Variants in CEMIP observed in about 807,000 individuals in gnomAD.
CEMIP encodes the protein cell migration inducing hyaluronidase 1.
In CEMIP, 105 loss-of-function variants were observed where a neutral mutation model predicts 156.9. That is an observed-to-expected ratio of 0.67 (90% CI 0.57 to 0.79). The LOEUF is 0.79. Among genes scored for constraint, CEMIP ranks in the 30% least tolerant of loss-of-function variants. CEMIP has a pLI of 0.00. For missense variants in CEMIP, 1,457 were observed against 1,769.4 expected, an observed-to-expected ratio of 0.82 and a Z score of 3.17; for synonymous variants, 676 against 668.4, an observed-to-expected ratio of 1.01 and a Z score of -0.17.
At chr15:80,813,344 G>A (rs1428682300) in intron 1 of CEMIP, among the ~76,000 whole-genome samples, 1 of 145,930 alleles carries the variant, frequency 6.9e-6, no homozygotes, top group East Asian at 2.1e-4. Flanking sequence ...AGGAGCAGCA[G>A]TACGGATTTT....
At position 80,936,747 on chromosome 15, in the gene CEMIP, T is replaced by C. The variant is rs1216305022; in HGVS notation, c.3083T>C (p.Leu1028Pro). 1.2e-6 allele frequency: 2 copies of C among 1,614,040 alleles called. No individual in the cohort carries two copies. Among genetic ancestry groups the C allele is most frequent in the African/African-American group, 2.7e-5 (2 of 74,944 alleles). Residue 1028 changes from leucine to proline, a missense_variant, in exon 24 of 30, where the codon CTT becomes CCT. Leu to Pro is a moderately conservative substitution (Grantham distance 98, BLOSUM62 -3). Around this residue, in one of 5 missense-constraint regions of CEMIP, gnomAD observed 798 missense variants for 980.1 expected, o/e 0.81. Coordinates refer to ENST00000394685, the MANE Select transcript of CEMIP (RefSeq NM_001293298.2). ...AAGAATGACTTCCCCAGCCACCCTC[T>C]TTACCTGGAGGGGGCGCTCACCAGG... ...IIKNDFPSHP[L>P]YLEGALTRST...
chr15:80,919,642 T>C (rs1310487354), intron 14 of CEMIP, among the ~76,000 whole-genome samples: 1 of 152,090 alleles, frequency 6.6e-6, no homozygotes, highest in Non-Finnish European at 1.5e-5. Flanking sequence ...TGAAACCCAG[T>C]CTCTACTGAA....
At chr15:80,850,352 A>G (rs530609507) in intron 1 of CEMIP, among the ~76,000 whole-genome samples, 11 of 152,282 alleles carry the variant, frequency 7.2e-5, no homozygotes, top group South Asian at 4.1e-4. Flanking sequence ...TCTCAGTTCA[A>G]TGCAACCTTC....
intron 1 of CEMIP, among the ~76,000 whole-genome samples, chr15:80,870,819 G>A (rs1208037701): frequency 1.3e-5 from 2 of 152,156 alleles, no homozygotes; most frequent in African/African-American, 4.8e-5. Flanking sequence ...TTTCGGAAAA[G>A]GGTGCCTACA....
In CEMIP at chr15:80,884,598, CTCAT is replaced by C. The variant is rs571580024; in HGVS notation, c.797+252_797+255del. On this transcript the variant is annotated intron_variant, in intron 7 of 29. Transcript: ENST00000394685. The stretch of plus-strand genomic sequence containing the variant: ...AACAAAAGCTCGCTGTTTATATGAA[CTCAT>C]TCATTCAGTCGGCCACTTACAAAAT... Among the ~76,000 whole-genome samples the C allele has an allele frequency of 7.2e-5, 11 of 152,344 alleles. No individual in the cohort carries two copies. In the South Asian group the frequency reaches 2.3e-3, roughly 32 times the overall value.
intron 12 of CEMIP, chr15:80,897,157 G>T: frequency 5.1e-6 from 2 of 394,448 alleles, no homozygotes; most frequent in South Asian, 1.9e-5. Context: ...GGTGTTAAAC[G>T]TATCACATGC....
rs111716189 is a variant in CEMIP, at chr15:80,884,230, G to T, written c.673G>T (p.Ala225Ser). ...TGAACGTCTGGTCCAGTATTTGAAC[G>T]CGGTGCCCGATGGCAGGATCCTTTC... ...ESERLVQYLN[A>S]VPDGRILSVA... Residue 225 changes from alanine (A) to serine (S), a missense_variant, in exon 7 of 30, where the codon GCG becomes TCG. This residue lies in a region of CEMIP where 309 missense variants were observed against 340.8 expected (regional missense o/e 0.91). Transcript: ENST00000394685. 6.2e-7 allele frequency: 1 copy of T among 1,614,188 alleles called. No individual in the cohort carries two copies. Among genetic ancestry groups the T allele is most frequent in the Non-Finnish European group, 8.5e-7 (1 of 1,180,036 alleles).
intron 19 of CEMIP, 117 bp from the exon 20 acceptor site, chr15:80,928,785 C>T: frequency 7.7e-7 from 1 of 1,293,688 alleles, no homozygotes; most frequent in Non-Finnish European, 1.1e-6. Context: ...GTAGAGACTC[C>T]TTCCTCTGCA....
chr15:80,912,477 C>T (rs1401642388), intron 14 of CEMIP, among the ~76,000 whole-genome samples: 2 of 152,208 alleles, frequency 1.3e-5, no homozygotes, highest in African/African-American at 2.4e-5. Context: ...CATAGAGGTC[C>T]AGCCTCACTC....
chr15:80,888,638 G>A, intron 8 of CEMIP, 63 bp from the exon 9 acceptor site: 3 of 1,414,494 alleles, frequency 2.1e-6, no homozygotes, highest in Non-Finnish European at 1.0e-6. Flanking sequence ...CCTTGCCTTG[G>A]AGTCACAACT....
In CEMIP at chr15:80,880,925, C is replaced by T; in HGVS notation, c.406C>T (p.Pro136Ser). ...GRADEGIQPD[P>S]YYGLKYIGVG... ...GGCTGATGAAGGTATTCAGCCGGAT[C>T]CTTACTATGGTCTGAAGTACATTGG... Residue 136 changes from proline (P) to serine (S), a missense_variant, in exon 6 of 30, where the codon CCT becomes TCT. Around this residue, in one of 5 missense-constraint regions of CEMIP, gnomAD observed 309 missense variants for 340.8 expected, o/e 0.91. Coordinates refer to ENST00000394685, the MANE Select transcript of CEMIP (RefSeq NM_001293298.2). The T allele has an allele frequency of 1.2e-6, 2 of 1,614,144 alleles. No individual in the cohort carries two copies. Among genetic ancestry groups the T allele is most frequent in the Non-Finnish European group, 8.5e-7 (1 of 1,180,014 alleles).
intron 29 of CEMIP, chr15:80,947,552 C>T (rs1160684631): frequency 6.1e-6 from 1 of 163,298 alleles, no homozygotes; most frequent in Non-Finnish European, 1.3e-5. Flanking sequence ...CAAGGCCAGG[C>T]AGCTTCGGTG....
intron 1 of CEMIP, among the ~76,000 whole-genome samples, chr15:80,805,073 A>G (rs1896480284): frequency 6.6e-6 from 1 of 152,032 alleles, no homozygotes; most frequent in African/African-American, 2.4e-5. Context: ...TCCTGTATCA[A>G]CACCTATCCT....
chr15:80,897,270 G>C (rs1314391831), intron 12 of CEMIP: 1 of 455,832 alleles, frequency 2.2e-6, no homozygotes, highest in African/African-American at 2.0e-5. Flanking sequence ...TATTATTTTG[G>C]AAAGAAACCC....
intron 1 of CEMIP, among the ~76,000 whole-genome samples, chr15:80,780,574 CCTT>C (rs1315941088): frequency 2.0e-5 from 3 of 152,216 alleles, no homozygotes; most frequent in Non-Finnish European, 2.9e-5. Flanking sequence ...GGTCCTGAGT[CCTT>C]CTCCAAGCAG....
chr15:80,884,292 T>C lies in CEMIP; in HGVS notation c.735T>C (p.Asp245=), dbSNP rs1226823341. ...AVNDEGSRNL[D]DMARKAMTKL... is the part of the protein sequence containing the mutation. ...ATGATGAAGGTTCTCGAAATCTGGA[T>C]GACATGGCCAGGAAGGCGATGACCA... is the stretch of plus-strand genomic sequence containing the variant. Residue 245 remains aspartate (D), a synonymous_variant, in exon 7 of 30, where the codon GAT becomes GAC. Coordinates refer to ENST00000394685, the MANE Select transcript of CEMIP (RefSeq NM_001293298.2). The C allele has an allele frequency of 5.0e-6, 8 of 1,614,218 alleles. No individual in the cohort carries two copies. The highest frequency in any genetic ancestry group is 6.8e-6 in the Non-Finnish European group (8 of 1,180,034).
intron 1 of CEMIP, among the ~76,000 whole-genome samples, chr15:80,798,140 T>C (rs186646040): frequency 5.9e-5 from 9 of 152,206 alleles, no homozygotes; most frequent in Non-Finnish European, 8.8e-5. Context: ...ACTTGGAAAG[T>C]ACAGAAATGA....
chr15:80,902,646 C>G lies in CEMIP; in HGVS notation c.1412-4017C>G, dbSNP rs186118606. 2.6e-3 allele frequency among the ~76,000 whole-genome samples: 402 copies of G among 152,318 alleles called. 6 individuals carry two copies. Among genetic ancestry groups the G allele is most frequent in the Admixed American group, 0.025 (384 of 15,300 alleles). On this transcript the variant is annotated intron_variant, in intron 12 of 29. Coordinates refer to ENST00000394685, the MANE Select transcript of CEMIP (RefSeq NM_001293298.2). ...CTGAAATATTCTTGCAGCTCTCAAT[C>G]TGACTTATATTTCCTTGGCTGACGG...
At chr15:80,940,947 TGGTCTTTTA>T (rs976133047) in intron 25 of CEMIP, among the ~76,000 whole-genome samples, 1 of 152,236 alleles carries the variant, frequency 6.6e-6, no homozygotes, top group Non-Finnish European at 1.5e-5. Context: ...CAACTCCATG[TGGTCTTTTA>T]GTTCAAGCAC....
Sources: gnomAD v4.1 joint callset for allele counts (sites outside exome capture counted in the v4.1 genomes callset) on GRCh38, gnomAD v4.1.1 for gene constraint, gnomAD v4.1.1 regional missense constraint, MANE v1.5 for transcripts, NCBI Gene and HGNC (gene_info 2026-07-23, HGNC 2026-07-21) for gene names.